ASH1L: variants seen among roughly 807,000 people sequenced by gnomAD.
The protein encoded by ASH1L is ASH1 like histone lysine methyltransferase.
In ASH1L, 23 loss-of-function variants were observed where a neutral mutation model predicts 269.0. That is an observed-to-expected ratio of 0.09 (90% confidence interval 0.06 to 0.12). The LOEUF is 0.12. Among genes scored for constraint, ASH1L ranks in the 10% least tolerant of loss-of-function variants. The pLI is 1.00. For synonymous variants in ASH1L, 1,187 were observed against 1,253.5 expected (o/e 0.95, Z 1.12); for missense variants, 2,912 against 3,567.8 (o/e 0.82, Z 4.68).
intron 12 of ASH1L, among the ~76,000 whole-genome samples, chr1:155,360,636 G>T (rs1654862657): frequency 6.6e-6 from 1 of 151,838 alleles, no homozygotes; most frequent in Non-Finnish European, 1.5e-5. Context: ...TAGAGATGGG[G>T]TTTCACCATG....
chr1:155,476,217 T>C (rs1665531322), intron 3 of ASH1L, among the ~76,000 whole-genome samples: 2 of 151,944 alleles, frequency 1.3e-5, no homozygotes, highest in African/African-American at 4.8e-5. Flanking sequence ...AAACCCTGTC[T>C]CTACTAGAAA....
chr1:155,388,890 A>T (rs1489051103), intron 7 of ASH1L, among the ~76,000 whole-genome samples: 2 of 150,488 alleles, frequency 1.3e-5, no homozygotes, highest in African/African-American at 2.5e-5. Flanking sequence ...TTATTGCTTT[A>T]TAGAGAGAGG....
Position 155,481,103 on chromosome 1 carries a change from TGTA to T in ASH1L, c.1764_1766del (p.Thr589del), listed in dbSNP as rs1311956578. 6.2e-7 allele frequency: 1 copy of T among 1,614,136 alleles called. No homozygotes were observed. ...ATTCAGAAATTTCTTCGATTAGTTC[TGTA>T]GTAGAACTTAAAAGTAATGGATTAG... On this transcript the variant is annotated inframe_deletion, in exon 3 of 28. Coordinates refer to ENST00000392403, the MANE Select transcript of ASH1L (RefSeq NM_018489.3).
chr1:155,545,362 A>G (rs934459765), intron 1 of ASH1L, among the ~76,000 whole-genome samples: 8 of 151,744 alleles, frequency 5.3e-5, no homozygotes, highest in Non-Finnish European at 1.0e-4. Flanking sequence ...TTTGACTCCA[A>G]AAGTAATCCT....
chr1:155,512,448 CTTTTTTTTTTTTT>C (rs1217608016), intron 2 of ASH1L, among the ~76,000 whole-genome samples: 1 of 93,696 alleles, frequency 1.1e-5, no homozygotes, highest in African/African-American at 3.8e-5. Context: ...GGATCTTAGA[CTTTTTTTTTTTTT>C]TTTTTTTTGA....
chr1:155,526,684 C>A (rs1669283526), intron 1 of ASH1L, among the ~76,000 whole-genome samples: 1 of 152,158 alleles, frequency 6.6e-6, no homozygotes, highest in African/African-American at 2.4e-5. Context: ...CAGTAACAAA[C>A]AGAAAAGTGC....
intron 7 of ASH1L, among the ~76,000 whole-genome samples, chr1:155,390,196 A>C (rs999374582): frequency 8.3e-5 from 12 of 143,730 alleles, no homozygotes; most frequent in Admixed American, 2.1e-4. Context: ...TCATTAAGAG[A>C]CTAATAAGGG....
At chr1:155,356,583 C>T (rs1171395942) in intron 15 of ASH1L, among the ~76,000 whole-genome samples, 5 of 149,230 alleles carry the variant, frequency 3.4e-5, no homozygotes, top group East Asian at 2.0e-4. Flanking sequence ...TGCAGTGAGC[C>T]GAGATTGCAC....
intron 1 of ASH1L, 127 bp from the exon 2 acceptor site, chr1:155,521,745 TG>T: frequency 2.2e-6 from 1 of 452,762 alleles, no homozygotes; most frequent in Non-Finnish European, 3.9e-6. Context: ...TAGATCGAAA[TG>T]TTAATTCAAA....
At chr1:155,490,669 T>C (rs1666714639) in intron 2 of ASH1L, among the ~76,000 whole-genome samples, 1 of 146,426 alleles carries the variant, frequency 6.8e-6, no homozygotes, top group Non-Finnish European at 1.5e-5. Flanking sequence ...CTCTCTCTCT[T>C]TTTCTGGCCA....
chr1:155,494,321 A>G (rs1236131487), intron 2 of ASH1L, among the ~76,000 whole-genome samples: 1 of 152,206 alleles, frequency 6.6e-6, no homozygotes, highest in African/African-American at 2.4e-5. Flanking sequence ...GAGAAGAGTA[A>G]TGTTGCAGGT....
At chr1:155,512,016 T>C (rs1293508087) in intron 2 of ASH1L, among the ~76,000 whole-genome samples, 1 of 151,918 alleles carries the variant, frequency 6.6e-6, no homozygotes, top group Non-Finnish European at 1.5e-5. Flanking sequence ...TTCTCCATGT[T>C]GGTCAGGCTG....
At chr1:155,416,415 G>T (rs1274429934) in intron 5 of ASH1L, among the ~76,000 whole-genome samples, 1 of 152,112 alleles carries the variant, frequency 6.6e-6, no homozygotes, top group Non-Finnish European at 1.5e-5. Context: ...ACCGTGCCCG[G>T]CATGAGAAAA....
At chr1:155,493,876 A>G (rs372085523) in intron 2 of ASH1L, among the ~76,000 whole-genome samples, 2 of 152,170 alleles carry the variant, frequency 1.3e-5, no homozygotes, top group East Asian at 1.9e-4. Context: ...TCCATCTCAA[A>G]AAAAAATTTT....
chr1:155,510,186 C>A (rs531442935), intron 2 of ASH1L, among the ~76,000 whole-genome samples: 1 of 151,802 alleles, frequency 6.6e-6, no homozygotes, highest in Non-Finnish European at 1.5e-5. Flanking sequence ...GAGGCTGAGG[C>A]GGACGGATCA....
chr1:155,530,338 G>A (rs1011346435), intron 1 of ASH1L, among the ~76,000 whole-genome samples: 35 of 152,148 alleles, frequency 2.3e-4, no homozygotes, highest in African/African-American at 7.2e-4. Context: ...ATCCCAGCAC[G>A]TAGAACACTA....
At chr1:155,444,383 C>T (rs1165376323) in intron 4 of ASH1L, among the ~76,000 whole-genome samples, 3 of 152,138 alleles carry the variant, frequency 2.0e-5, no homozygotes, top group African/African-American at 7.2e-5. Context: ...AGATCCTATA[C>T]ATCCTCACCA....
intron 2 of ASH1L, among the ~76,000 whole-genome samples, chr1:155,513,154 A>G (rs553079169): frequency 6.6e-6 from 1 of 152,282 alleles, no homozygotes; most frequent in South Asian, 2.1e-4. Flanking sequence ...AAAATACAGA[A>G]TAACTGTTAC....
chr1:155,414,794 T>C (rs1660073743), intron 6 of ASH1L, among the ~76,000 whole-genome samples: 1 of 152,166 alleles, frequency 6.6e-6, no homozygotes, highest in African/African-American at 2.4e-5. Context: ...TCCTTCTCCA[T>C]CTGGTAAACT....
Sources: allele counts gnomAD v4.1 joint callset (sites outside exome capture counted in the v4.1 genomes callset), GRCh38; gene constraint gnomAD v4.1.1; transcripts MANE v1.5; gene names NCBI Gene and HGNC (gene_info 2026-07-23, HGNC 2026-07-21).